CUX1: variants seen among roughly 807,000 people sequenced by gnomAD.
CUX1 encodes cut like homeobox 1, also known as protein CASP.
A neutral mutation model predicts 158.8 loss-of-function variants in CUX1; 31 were observed. That is an observed-to-expected ratio of 0.20 (90% CI 0.15 to 0.26). The LOEUF is 0.26. Ranked by LOEUF, CUX1 falls within the 10% of genes least tolerant of loss-of-function variation. The pLI is 1.00. For synonymous variants in CUX1, 879 were observed against 862.1 expected, an observed-to-expected ratio of 1.02 and a Z score of -0.34; for missense variants, 1,589 against 2,014.6, an observed-to-expected ratio of 0.79 and a Z score of 4.04.
At chr7:102,144,702 CATA>C (rs1194742178) in intron 8 of CUX1, among the ~76,000 whole-genome samples, 1 of 149,446 alleles carries the variant, frequency 6.7e-6, no homozygotes, top group Non-Finnish European at 1.5e-5. Flanking sequence ...AAATAATAAT[CATA>C]ATAATTTTTT....
At chr7:101,992,956 ATTC>A (rs1444958994) in intron 2 of CUX1, among the ~76,000 whole-genome samples, 8 of 152,300 alleles carry the variant, frequency 5.3e-5, no homozygotes, top group African/African-American at 1.9e-4. Context: ...GGCCCTGGTC[ATTC>A]TGCTGCTGGT....
rs531643419 is a variant in CUX1 at position 102,020,165 on chromosome 7, A to G, written c.142-7933A>G. Among the ~76,000 whole-genome samples, 4 of 152,356 alleles carry G rather than the reference A, an allele frequency of 2.6e-5. No homozygotes were observed. In the South Asian group the frequency reaches 8.3e-4, roughly 32 times the overall value. ...GGACATACTTACTGTCTGCTGTTGT[A>G]TAGAAAGATATTTTTTATTTAATAC... On this transcript the variant is annotated intron_variant, in intron 2 of 23. Coordinates refer to ENST00000292535, the MANE Select transcript of CUX1 (RefSeq NM_181552.4).
At chr7:101,900,012 C>T (rs1801964542) in intron 1 of CUX1, among the ~76,000 whole-genome samples, 2 of 152,188 alleles carry the variant, frequency 1.3e-5, no homozygotes, top group African/African-American at 4.8e-5. Flanking sequence ...GCTAGCTTTA[C>T]AGAGTCTAAG....
chr7:102,025,344 T>TGGCC (rs71119800), intron 2 of CUX1, among the ~76,000 whole-genome samples: 65,767 of 151,790 alleles, frequency 0.43, 15,792 homozygotes, highest in East Asian at 0.96. Context: ...AAGAGATTGG[T>TGGCC]GGCCAGGCAT....
intron 21 of CUX1, among the ~76,000 whole-genome samples, chr7:102,231,316 C>T (rs1007722929): frequency 7.0e-6 from 1 of 142,316 alleles, no homozygotes; most frequent in Non-Finnish European, 1.5e-5. Context: ...AGGCGTGAGC[C>T]ACTGCGCCCA....
At position 102,008,443 on chromosome 7, in the gene CUX1, C is replaced by A. The variant is rs774476547; in HGVS notation, c.142-19655C>A. On this transcript the variant is annotated intron_variant, in intron 2 of 23. Transcript: ENST00000292535. Reference sequence around the variant, plus strand: ...CAAAGAGGGATTTTCATTCCTTGGGCCCCCGTTGTAGGCTAGCTGCGCCTG... The same window carrying A: ...CAAAGAGGGATTTTCATTCCTTGGGACCCCGTTGTAGGCTAGCTGCGCCTG... Among the ~76,000 whole-genome samples the A allele has an allele frequency of 2.0e-5, 3 of 152,154 alleles. No homozygotes were observed. In the East Asian group the frequency reaches 5.8e-4, roughly 29 times the overall value.
At position 102,204,265 on chromosome 7, in the gene CUX1, G is replaced by A. The variant is rs561629191; in HGVS notation, c.2908-126G>A. The A allele has an allele frequency of 2.6e-4, 318 of 1,219,466 alleles. 3 individuals carry two copies. Among genetic ancestry groups the A allele is most frequent in the South Asian group, 5.7e-5 (4 of 70,324 alleles). 75.5% of individuals were successfully genotyped at this position (1,219,466 alleles called of 1,614,324 possible). On this transcript the variant is annotated intron_variant, in intron 18 of 23. Transcript: ENST00000292535. ...CACAAGCTGTCACCGCCACCAGGCC[G>A]TGGTTCTGTGCTCAGAAGTCAGCCC...
At chr7:101,981,761 C>T (rs1233070380) in intron 2 of CUX1, among the ~76,000 whole-genome samples, 1 of 152,152 alleles carries the variant, frequency 6.6e-6, no homozygotes, top group East Asian at 1.9e-4. Context: ...CAGGCAAGCA[C>T]CACCACGCCC....
At chr7:102,197,770 T>C (rs1394594865) in intron 15 of CUX1, among the ~76,000 whole-genome samples, 2 of 152,066 alleles carry the variant, frequency 1.3e-5, no homozygotes, top group African/African-American at 4.8e-5. Context: ...ACACCTCCCC[T>C]CTTCCCACCC....
intron 1 of CUX1, among the ~76,000 whole-genome samples, chr7:101,832,466 C>T (rs555310338): frequency 2.0e-5 from 3 of 152,224 alleles, no homozygotes; most frequent in South Asian, 2.1e-4. Context: ...CCTTCAGGGG[C>T]GGGCTTCGTG....
At chr7:102,050,873 C>G (rs1823411403) in intron 3 of CUX1, among the ~76,000 whole-genome samples, 1 of 151,928 alleles carries the variant, frequency 6.6e-6, no homozygotes, top group Non-Finnish European at 1.5e-5. Context: ...CTGCTAAGAC[C>G]CTGTGAATTC....
chr7:102,193,178 G>A (rs1369131389), intron 12 of CUX1, among the ~76,000 whole-genome samples: 1 of 152,260 alleles, frequency 6.6e-6, no homozygotes, highest in Non-Finnish European at 1.5e-5. Context: ...GGTGTGGGCA[G>A]TGGCCGCCCT....
At chr7:102,262,356 C>T (rs1176260704), downstream of CUX1, among the ~76,000 whole-genome samples, 1 of 147,340 alleles carries the variant, frequency 6.8e-6, no homozygotes, top group African/African-American at 2.6e-5. Context: ...CGTGATACCT[C>T]CACTGCACTC....
At chr7:102,017,905 A>T (rs1294556715) in intron 2 of CUX1, among the ~76,000 whole-genome samples, 1 of 152,224 alleles carries the variant, frequency 6.6e-6, no homozygotes, top group Non-Finnish European at 1.5e-5. Flanking sequence ...TAATTGATGT[A>T]TAGATACATC....
intron 1 of CUX1, among the ~76,000 whole-genome samples, chr7:101,823,866 GCTTTTT>G (rs1452138035): frequency 1.3e-5 from 2 of 152,156 alleles, no homozygotes; most frequent in Non-Finnish European, 2.9e-5. Context: ...GGTGTTGACA[GCTTTTT>G]GTTAAATGTA....
At chr7:101,861,818 G>A (rs1264664454) in intron 1 of CUX1, among the ~76,000 whole-genome samples, 3 of 151,170 alleles carry the variant, frequency 2.0e-5, no homozygotes, top group Non-Finnish European at 4.4e-5. Flanking sequence ...AGGCTGGAGT[G>A]CGGTGGCACG....
intron 13 of CUX1, among the ~76,000 whole-genome samples, chr7:102,194,693 T>A (rs558778567): frequency 2.6e-5 from 4 of 151,902 alleles, no homozygotes; most frequent in East Asian, 3.9e-4. Flanking sequence ...AAGGGAAGGA[T>A]GACTGTGGCC....
intron 14 of CUX1, among the ~76,000 whole-genome samples, chr7:102,268,163 C>T (rs1350169922): frequency 6.6e-6 from 1 of 152,136 alleles, no homozygotes; most frequent in Admixed American, 6.5e-5. Flanking sequence ...CTTATCCACC[C>T]GTCGCCTGTC....
chr7:101,832,562 C>T (rs891255291), intron 1 of CUX1, among the ~76,000 whole-genome samples: 2 of 152,144 alleles, frequency 1.3e-5, no homozygotes, highest in African/African-American at 4.8e-5. Context: ...ACGTGACTCA[C>T]GCGGGGAGTT....
Sources: allele counts gnomAD v4.1 joint callset (sites outside exome capture counted in the v4.1 genomes callset), GRCh38; gene constraint gnomAD v4.1.1; transcripts MANE v1.5; gene names NCBI Gene and HGNC (gene_info 2026-07-23, HGNC 2026-07-21).